The following NR2F1-AS1 variants were observed in gnomAD, a reference collection of about 807,000 sequenced individuals.
NR2F1-AS1 encodes NR2F1 antisense RNA 1.
chr5:93,516,734 T>TA (rs1255607740), intron 4 of NR2F1-AS1, among the ~76,000 whole-genome samples: 1 of 151,920 alleles, frequency 6.6e-6, no homozygotes. Flanking sequence ...AACAGTAATG[T>TA]AAAGTTAGAG....
intron 4 of NR2F1-AS1, chr5:93,541,883 A>G (rs1751958501): frequency 6.6e-6 from 1 of 152,064 alleles, no homozygotes; most frequent in South Asian, 2.1e-4. Context: ...ACATTAAATA[A>G]TATTTTAATG....
chr5:93,534,401 A>G (rs1428170355), intron 4 of NR2F1-AS1, among the ~76,000 whole-genome samples: 1 of 152,216 alleles, frequency 6.6e-6, no homozygotes, highest in Non-Finnish European at 1.5e-5. Flanking sequence ...TCACACTCAG[A>G]TCTTTTCTAA....
At chr5:93,488,154 T>C (rs183948422) in intron 4 of NR2F1-AS1, among the ~76,000 whole-genome samples, 4 of 151,962 alleles carry the variant, frequency 2.6e-5, no homozygotes, top group Non-Finnish European at 5.9e-5. Context: ...AGAAAACCTA[T>C]GCAATATCAT....
At chr5:93,557,475 A>G (rs1459135121) in intron 2 of NR2F1-AS1, among the ~76,000 whole-genome samples, 1 of 152,236 alleles carries the variant, frequency 6.6e-6, no homozygotes, top group African/African-American at 2.4e-5. Context: ...TTCCCAGTGC[A>G]CATAAAAGTT....
chr5:93,551,463 C>T (rs1302701700), intron 4 of NR2F1-AS1, among the ~76,000 whole-genome samples: 1 of 151,952 alleles, frequency 6.6e-6, no homozygotes, highest in African/African-American at 2.4e-5. Flanking sequence ...TGACATATTA[C>T]TAAAGGGGTA....
At chr5:93,429,742 A>T (rs1749270644) in intron 4 of NR2F1-AS1, among the ~76,000 whole-genome samples, 1 of 152,186 alleles carries the variant, frequency 6.6e-6, no homozygotes, top group Non-Finnish European at 1.5e-5. Flanking sequence ...GAATATGGTA[A>T]AGAATTGATG....
chr5:93,585,214 C>T (rs577687465), upstream of NR2F1-AS1: 1 of 1,544,092 alleles, frequency 6.5e-7, no homozygotes, highest in East Asian at 2.5e-5. Context: ...CCCGCCACCC[C>T]CGGCACGGCG....
chr5:93,534,653 AGGAAGGCCTATAC>A (rs1751802658), intron 4 of NR2F1-AS1, among the ~76,000 whole-genome samples: 3 of 152,178 alleles, frequency 2.0e-5, no homozygotes, highest in South Asian at 4.1e-4. Context: ...AAAAAGAGGT[AGGAAGGCCTATAC>A]GGAAGGCCTA....
chr5:93,411,447 C>T (rs943027958), intron 4 of NR2F1-AS1: 6 of 152,180 alleles, frequency 3.9e-5, no homozygotes, highest in South Asian at 2.1e-4. Context: ...AAAGAGAAAA[C>T]GTGCAGGGTG....
At chr5:93,581,674 CT>C (rs1753041260), upstream of NR2F1-AS1, among the ~76,000 whole-genome samples, 1 of 25,056 alleles carries the variant, frequency 4.0e-5, no homozygotes, top group Non-Finnish European at 8.0e-5. Context: ...CTCGGTCTCT[CT>C]CTCTCTCTCT....
At chr5:93,451,313 G>T (rs1463506260) in intron 4 of NR2F1-AS1, among the ~76,000 whole-genome samples, 1 of 142,092 alleles carries the variant, frequency 7.0e-6, no homozygotes, top group Non-Finnish European at 1.5e-5. Context: ...TTTAGAGTAG[G>T]GTTTTTGAAA....
chr5:93,477,121 A>C (rs1438695), intron 4 of NR2F1-AS1, among the ~76,000 whole-genome samples: 2,994 of 152,304 alleles, frequency 0.02, 116 homozygotes, highest in African/African-American at 0.069. Context: ...AGAAAGCAAG[A>C]TTGCTTAAAT....
intron 4 of NR2F1-AS1, among the ~76,000 whole-genome samples, chr5:93,508,448 C>T (rs1375304713): frequency 6.6e-6 from 1 of 151,940 alleles, no homozygotes; most frequent in Non-Finnish European, 1.5e-5. Context: ...TAGACCATCT[C>T]GCAAAATAAA....
At chr5:93,464,347 A>C (rs1750172981) in intron 4 of NR2F1-AS1, among the ~76,000 whole-genome samples, 1 of 152,184 alleles carries the variant, frequency 6.6e-6, no homozygotes, top group African/African-American at 2.4e-5. Context: ...TAAATTGCCC[A>C]GTCTTGGGTA....
chr5:93,505,838 C>T (rs1407386429), intron 4 of NR2F1-AS1, among the ~76,000 whole-genome samples: 1 of 151,940 alleles, frequency 6.6e-6, no homozygotes, highest in Admixed American at 6.5e-5. Flanking sequence ...AGGTCTCTGA[C>T]ATGGCCTAGA....
intron 4 of NR2F1-AS1, among the ~76,000 whole-genome samples, chr5:93,453,334 T>G (rs982523595): frequency 5.9e-5 from 9 of 151,974 alleles, no homozygotes; most frequent in Non-Finnish European, 1.2e-4. Flanking sequence ...TGCAGACTAA[T>G]ATATATGTAA....
chr5:93,468,493 G>A (rs1373396502), intron 4 of NR2F1-AS1, among the ~76,000 whole-genome samples: 1 of 152,004 alleles, frequency 6.6e-6, no homozygotes, highest in African/African-American at 2.4e-5. Context: ...TTTTTGATGG[G>A]GTTGTTTTTT....
intron 4 of NR2F1-AS1, among the ~76,000 whole-genome samples, chr5:93,429,052 C>T (rs1749253557): frequency 6.6e-6 from 1 of 152,122 alleles, no homozygotes. Flanking sequence ...GATTTTATCA[C>T]TGATTTGTTC....
intron 4 of NR2F1-AS1, among the ~76,000 whole-genome samples, chr5:93,516,680 C>T (rs1218510416): frequency 1.3e-5 from 2 of 151,764 alleles, no homozygotes; most frequent in African/African-American, 2.4e-5. Flanking sequence ...AATCCAAGAC[C>T]GTAACCCAGA....
Sources: allele counts gnomAD v4.1 joint callset (sites outside exome capture counted in the v4.1 genomes callset), GRCh38; gene constraint gnomAD v4.1.1; transcripts MANE v1.5; gene names NCBI Gene and HGNC (gene_info 2026-07-23, HGNC 2026-07-21).